DENND4C: variants seen among roughly 807,000 people sequenced by gnomAD.
DENND4C encodes the protein DENN domain containing 4C, also known as DENN domain-containing protein 4C.
In DENND4C, 108 loss-of-function variants were observed where a neutral mutation model predicts 203.0. That is an observed-to-expected ratio of 0.53 (90% confidence interval 0.46 to 0.62). DENND4C has a LOEUF of 0.62. Among genes scored for constraint, DENND4C ranks in the 20% least tolerant of loss-of-function variants. The probability of loss-of-function intolerance (pLI) is 0.00; values close to 1 mark genes in which losing one functional copy is unlikely to be tolerated. For synonymous variants in DENND4C, 871 were observed against 792.4 expected (o/e 1.10, Z -1.67); for missense variants, 2,481 against 2,301.2 (o/e 1.08, Z -1.60).
At chr9:19,311,429 A>G (rs2131470813) in intron 10 of DENND4C, among the ~76,000 whole-genome samples, 1 of 152,266 alleles carries the variant, frequency 6.6e-6, no homozygotes, top group Middle Eastern at 3.4e-3. Flanking sequence ...CCTGGCCCCC[A>G]CAAAGTTTAT....
intron 2 of DENND4C, among the ~76,000 whole-genome samples, chr9:19,286,191 T>C (rs1342460126): frequency 3.9e-5 from 6 of 152,198 alleles, no homozygotes; most frequent in Non-Finnish European, 8.8e-5. Context: ...AATTCATTTT[T>C]CAGTTTTCAT....
intron 1 of DENND4C, among the ~76,000 whole-genome samples, chr9:19,242,118 T>C (rs1244369065): frequency 6.6e-6 from 1 of 152,242 alleles, no homozygotes; most frequent in African/African-American, 2.4e-5. Flanking sequence ...ACTACTGTTT[T>C]GTACTATTTC....
chr9:19,335,458 T>C (rs1231711234), intron 18 of DENND4C, among the ~76,000 whole-genome samples: 2 of 152,200 alleles, frequency 1.3e-5, no homozygotes, highest in African/African-American at 4.8e-5. Flanking sequence ...TTATTTCTCC[T>C]ACTGAACTGA....
At chr9:19,339,620 G>A (rs1365014848) in intron 20 of DENND4C, among the ~76,000 whole-genome samples, 1 of 152,118 alleles carries the variant, frequency 6.6e-6, no homozygotes, top group Non-Finnish European at 1.5e-5. Context: ...TCTGTGGATA[G>A]TTACTATAAT....
intron 1 of DENND4C, among the ~76,000 whole-genome samples, chr9:19,235,653 C>G (rs1173339142): frequency 1.5e-5 from 2 of 137,600 alleles, no homozygotes; most frequent in South Asian, 2.5e-4. Flanking sequence ...CTCTGTCACC[C>G]AGGCTGGAGT....
intron 24 of DENND4C, among the ~76,000 whole-genome samples, 171 bp downstream of exon 24, chr9:19,351,050 A>G (rs1014404885): frequency 6.6e-6 from 1 of 152,198 alleles, no homozygotes; most frequent in Non-Finnish European, 1.5e-5. Context: ...AGCGTGAGCC[A>G]CAGCGCCTGG....
At position 19,336,310 on chromosome 9, in the gene DENND4C, G is replaced by C. The variant is rs1218829618; in HGVS notation, c.2630G>C (p.Gly877Ala). 2 of 1,613,946 alleles carry C rather than the reference G, an allele frequency of 1.2e-6. No homozygotes were observed. Among genetic ancestry groups the C allele is most frequent in the Non-Finnish European group, 1.7e-6 (2 of 1,179,980 alleles). ...ESPWPSSTRS[G>A]IFLWTKVRNV... ...CCGTGGCCTAGCAGTACCCGCAGTGGTATTTTCTTATGGACGAAGGTACGG... is the reference window on the plus strand; with the variant it reads ...CCGTGGCCTAGCAGTACCCGCAGTGCTATTTTCTTATGGACGAAGGTACGG... Residue 877 changes from glycine (G) to alanine (A), a missense_variant, in exon 19 of 33, where the codon GGT (glycine) becomes GCT (alanine). Transcript: ENST00000434457.
chr9:19,298,169 C>A (rs1837837865), intron 7 of DENND4C, 47 bp downstream of exon 7: 3 of 1,515,634 alleles, frequency 2.0e-6, no homozygotes, highest in African/African-American at 2.7e-5. Context: ...ATATGCTCAC[C>A]TGAGTCATTG....
intron 21 of DENND4C, among the ~76,000 whole-genome samples, chr9:19,342,125 A>T (rs1256470074): frequency 1.0e-4 from 8 of 79,892 alleles, no homozygotes; most frequent in African/African-American, 5.3e-4. Context: ...ACTCCATCTC[A>T]AAAAAAAAAA....
intron 23 of DENND4C, 21 bp from the exon 24 acceptor site, chr9:19,350,681 A>G: frequency 7.7e-7 from 1 of 1,305,448 alleles, no homozygotes; most frequent in Non-Finnish European, 1.0e-6. Flanking sequence ...TGTATGTGGA[A>G]TTTTTTTTTT....
chr9:19,286,061 A>G (rs753712787), intron 2 of DENND4C, among the ~76,000 whole-genome samples: 11 of 152,184 alleles, frequency 7.2e-5, no homozygotes, highest in Non-Finnish European at 1.6e-4. Context: ...TTTAAATAGG[A>G]ATTGCATTGA....
chr9:19,275,314 A>G, intron 1 of DENND4C, among the ~76,000 whole-genome samples: 1 of 118,734 alleles, frequency 8.4e-6, no homozygotes, highest in Non-Finnish European at 1.7e-5. Flanking sequence ...TTTTTTTGAG[A>G]CAGAGTCTCA....
chr9:19,245,793 T>C (rs1332167663), intron 1 of DENND4C, among the ~76,000 whole-genome samples: 1 of 151,158 alleles, frequency 6.6e-6, no homozygotes, highest in African/African-American at 2.4e-5. Flanking sequence ...GAGGTGGAGG[T>C]TGCGGTGAGC....
intron 1 of DENND4C, among the ~76,000 whole-genome samples, chr9:19,267,624 A>G (rs918676615): frequency 6.6e-6 from 1 of 150,576 alleles, no homozygotes; most frequent in African/African-American, 2.4e-5. Flanking sequence ...GTGACCTGAA[A>G]CTCCTGAGCT....
In DENND4C at chr9:19,347,001, T is replaced by C. The variant is rs1823057356; in HGVS notation, c.4232T>C (p.Leu1411Pro). The change falls in exon 23 of 33, where the codon CTG (leucine) becomes CCG (proline). Residue 1411 changes from leucine (L) to proline (P), a missense_variant. Physicochemically the swap from Leu to Pro is moderately conservative, Grantham distance 98. Around this residue, in one of 3 missense-constraint regions of DENND4C, gnomAD observed 2,289 missense variants for 2,113.3 expected, o/e 1.08. Coordinates refer to ENST00000434457, the MANE Select transcript of DENND4C (RefSeq NM_001330640.2). ...NILSGPKIDV[L>P]KSGMKQAATV... Reference sequence around the variant, plus strand: ...CTCTCAGGGCCCAAGATAGATGTCCTGAAATCTGGTATGAAACAAGCAGCG... The same window carrying C: ...CTCTCAGGGCCCAAGATAGATGTCCCGAAATCTGGTATGAAACAAGCAGCG... 1 of 1,614,204 alleles carries C rather than the reference T, an allele frequency of 6.2e-7. No homozygotes were observed. Among genetic ancestry groups the C allele is most frequent in the Non-Finnish European group, 8.5e-7 (1 of 1,180,038 alleles).
intron 4 of DENND4C, among the ~76,000 whole-genome samples, chr9:19,290,317 A>G (rs752228738): frequency 2.0e-5 from 3 of 152,184 alleles, no homozygotes; most frequent in Non-Finnish European, 4.4e-5. Context: ...GCATTATTTC[A>G]TAACACTTGT....
At chr9:19,240,081 C>A (rs983740148) in intron 1 of DENND4C, among the ~76,000 whole-genome samples, 2 of 152,152 alleles carry the variant, frequency 1.3e-5, no homozygotes, top group Admixed American at 1.3e-4. Flanking sequence ...TTGCTGCATG[C>A]ACTTTGATAC....
chr9:19,281,386 C>G (rs1588833193), intron 2 of DENND4C, among the ~76,000 whole-genome samples: 1 of 152,114 alleles, frequency 6.6e-6, no homozygotes, highest in Non-Finnish European at 1.5e-5. Context: ...GTTCTCCTCA[C>G]TTTCCCCCCA....
chr9:19,262,118 G>A (rs1420359459), intron 1 of DENND4C, among the ~76,000 whole-genome samples: 4 of 47,956 alleles, frequency 8.3e-5, no homozygotes, highest in South Asian at 1.4e-3. Context: ...GACAAGTCTT[G>A]TTCTGTCGCC....
Sources: allele counts gnomAD v4.1 joint callset (sites outside exome capture counted in the v4.1 genomes callset), GRCh38; gene constraint gnomAD v4.1.1; regional missense constraint gnomAD v4.1.1; transcripts MANE v1.5; gene names NCBI Gene and HGNC (gene_info 2026-07-23, HGNC 2026-07-21).